The following ADCK5 variants were observed in gnomAD, a reference collection of about 807,000 sequenced individuals.
ADCK5 encodes uncharacterized aarF domain-containing protein kinase 5.
A neutral mutation model predicts 64.9 loss-of-function variants in ADCK5; 43 were observed. The observed-to-expected ratio is 0.66, with a 90% CI of 0.52 to 0.85. The LOEUF is 0.85. ADCK5 is among the 40% of genes least tolerant of loss of function. The pLI is 0.00. For synonymous variants in ADCK5, 434 were observed against 342.8 expected (o/e 1.27, Z -2.94); for missense variants, 760 against 810.5 (o/e 0.94, Z 0.76).
intron 3 of ADCK5, chr8:144,389,225 C>T (rs1820089448): frequency 4.4e-6 from 2 of 455,938 alleles, no homozygotes; most frequent in African/African-American, 2.0e-5. Context: ...CCAGGATGTC[C>T]CCCACTTCCT....
intron 1 of ADCK5, among the ~76,000 whole-genome samples, chr8:144,377,040 G>A (rs1554857270): frequency 1.3e-5 from 2 of 152,240 alleles, no homozygotes; most frequent in Non-Finnish European, 1.5e-5. Flanking sequence ...AAACCAGCTG[G>A]CAAGTCAGTT....
intron 1 of ADCK5, among the ~76,000 whole-genome samples, chr8:144,374,363 G>C (rs1819278474): frequency 1.3e-5 from 2 of 152,200 alleles, no homozygotes; most frequent in South Asian, 2.1e-4. Flanking sequence ...GACCGCTCCC[G>C]GCCGACTCTG....
chr8:144,377,517 T>C lies in ADCK5; in HGVS notation c.13-1870T>C, dbSNP rs573499465. 8 of 152,322 alleles carry C rather than the reference T, an allele frequency of 5.3e-5. No homozygotes were observed. The South Asian group carries it at 1.5e-3, about 28-fold the overall frequency. 9.4% of individuals were successfully genotyped at this position (152,322 alleles called of 1,614,324 possible). A position where few individuals can be genotyped will look rare whatever the true frequency, so the allele number is the denominator to read the frequency against. ...TATGCGCCATCACACCTGGCTACTT[T>C]TTTTGTATTTCTAGTAGAGACAGGG... On this transcript the variant is annotated intron_variant, in intron 1 of 14. Coordinates refer to ENST00000308860, the MANE Select transcript of ADCK5 (RefSeq NM_174922.5).
rs370905602 is a variant in ADCK5 at position 144,390,292 on chromosome 8, A to G, written c.267-379A>G. Among the ~76,000 whole-genome samples, 11 of 152,106 alleles carry G rather than the reference A, an allele frequency of 7.2e-5. No homozygotes were observed. In the East Asian group the frequency reaches 1.3e-3, roughly 19 times the overall value. On this transcript the variant is annotated intron_variant, in intron 3 of 14. Transcript: ENST00000308860. ...CAGGTGTGCACCACCGTGCCTGCCTAATTTTTTTGCATTTTTGGTAGAGAC... is the reference window on the plus strand; with the variant it reads ...CAGGTGTGCACCACCGTGCCTGCCTGATTTTTTTGCATTTTTGGTAGAGAC...
chr8:144,383,449 G>A (rs1033601710), intron 3 of ADCK5, among the ~76,000 whole-genome samples: 41 of 152,196 alleles, frequency 2.7e-4, no homozygotes, highest in African/African-American at 9.9e-4. Context: ...TATAGGAGGT[G>A]GTGTAGACAA....
chr8:144,375,346 G>T, intron 1 of ADCK5: 1 of 642,908 alleles, frequency 1.6e-6, no homozygotes, highest in South Asian at 6.9e-5. Context: ...ACCCTGCCCA[G>T]ACTCCCAATC....
chr8:144,381,130 C>T (rs1819606605), intron 2 of ADCK5, among the ~76,000 whole-genome samples: 3 of 145,286 alleles, frequency 2.1e-5, no homozygotes, highest in South Asian at 4.5e-4. Flanking sequence ...GCTCAGGCAC[C>T]TGCTGCACTA....
intron 13 of ADCK5, 29 bp downstream of exon 13, chr8:144,392,726 G>A (rs1554861503): frequency 2.5e-6 from 4 of 1,589,354 alleles, no homozygotes; most frequent in Admixed American, 1.7e-5. Flanking sequence ...CGCCCGGGCC[G>A]TGGTGGGGCT....
rs1554861685 is a variant in ADCK5, at chr8:144,392,998, C to T, written c.1667C>T (p.Ala556Val). Reference sequence around the variant, plus strand: ...GAGACCTTGGCCATGCGGCTGACCGCCCTCCTGGCTCGTGCTCTGGTCCAC... The same window carrying T: ...GAGACCTTGGCCATGCGGCTGACCGTCCTCCTGGCTCGTGCTCTGGTCCAC... ...RLETLAMRLTALLARALVHLS... is the reference protein window; with the variant it reads ...RLETLAMRLTVLLARALVHLS... Residue 556 changes from alanine (A) to valine (V), a missense_variant, in exon 15 of 15, where the codon GCC becomes GTC. Physicochemically the swap from Ala to Val is moderately conservative, Grantham distance 64 (BLOSUM62 0). Transcript: ENST00000308860. 1 of 1,589,652 alleles carries T rather than the reference C, an allele frequency of 6.3e-7. No homozygotes were observed.
intron 3 of ADCK5, chr8:144,389,197 T>A (rs1248072448): frequency 1.3e-5 from 6 of 452,096 alleles, no homozygotes; most frequent in Admixed American, 2.4e-5. Flanking sequence ...AGGAGCCCAG[T>A]ACCTGCTCAA....
Position 144,393,237 on chromosome 8 carries a change from A to G in ADCK5, c.*163A>G. On this transcript the variant is annotated 3_prime_UTR_variant, in exon 15 of 15. Transcript: ENST00000308860. ...TAATGACCACACACTCCTCTCAAGC[A>G]AAAAATGTTTTTCCTTGTGTTTTGT... The G allele has an allele frequency of 7.1e-7, 1 of 1,415,794 alleles. No individual in the cohort carries two copies. The highest frequency in any genetic ancestry group is 9.4e-7 in the Non-Finnish European group (1 of 1,062,696). The allele number at this position is 1,415,794 out of a possible 1,614,324, so 87.7% of individuals were successfully genotyped here. A position where few individuals can be genotyped will look rare whatever the true frequency, so the allele number is the denominator to read the frequency against.
chr8:144,392,082 G>T lies in ADCK5; in HGVS notation c.1097-10G>T. 1 of 1,612,308 alleles carries T rather than the reference G, an allele frequency of 6.2e-7. No individual in the cohort carries two copies. ...TGGGCGCAGCGCGACCTAAGAGGCT[G>T]TATCCCTAGTTCTGGTGCGGAAAGG... is the stretch of plus-strand genomic sequence containing the variant. On this transcript the variant is annotated splice_polypyrimidine_tract_variant and intron_variant, in intron 10 of 14. Coordinates refer to ENST00000308860, the MANE Select transcript of ADCK5 (RefSeq NM_174922.5).
At chr8:144,387,977 C>T (rs1819996812) in intron 3 of ADCK5, among the ~76,000 whole-genome samples, 1 of 151,836 alleles carries the variant, frequency 6.6e-6, no homozygotes, top group Admixed American at 6.6e-5. Context: ...GGGGATCCGC[C>T]CGCCTTGGCC....
chr8:144,380,380 C>T lies in ADCK5; in HGVS notation c.116+890C>T, dbSNP rs538838923. On this transcript the variant is annotated intron_variant, in intron 2 of 14. Coordinates refer to ENST00000308860, the MANE Select transcript of ADCK5 (RefSeq NM_174922.5). ...CAGATGTGTGCTCAGGCACCTGCCGCAGTCAGGATTATGGGCCGGGTGTAG... is the reference window on the plus strand; with the variant it reads ...CAGATGTGTGCTCAGGCACCTGCCGTAGTCAGGATTATGGGCCGGGTGTAG... Among the ~76,000 whole-genome samples the T allele has an allele frequency of 7.2e-5, 11 of 152,232 alleles. No homozygotes were observed. The South Asian group carries it at 2.3e-3, about 32-fold the overall frequency.
intron 3 of ADCK5, among the ~76,000 whole-genome samples, chr8:144,385,300 T>A (rs1328897789): frequency 6.6e-6 from 1 of 151,480 alleles, no homozygotes; most frequent in Non-Finnish European, 1.5e-5. Context: ...CTCTCCTGTC[T>A]CGCCTCCCAA....
rs1554860114 is a variant in ADCK5, at chr8:144,390,294, T to C, written c.267-377T>C. Among the ~76,000 whole-genome samples, 22 of 151,994 alleles carry C rather than the reference T, an allele frequency of 1.4e-4. 1 individual carries two copies. On this transcript the variant is annotated intron_variant, in intron 3 of 14. Transcript: ENST00000308860. ...GGTGTGCACCACCGTGCCTGCCTAATTTTTTTGCATTTTTGGTAGAGACAG... is the reference window on the plus strand; with the variant it reads ...GGTGTGCACCACCGTGCCTGCCTAACTTTTTTGCATTTTTGGTAGAGACAG...
chr8:144,384,113 CTG>C lies in ADCK5; in HGVS notation c.266+887_266+888del, dbSNP rs1430958238. On this transcript the variant is annotated intron_variant, in intron 3 of 14. Coordinates refer to ENST00000308860, the MANE Select transcript of ADCK5 (RefSeq NM_174922.5). The surrounding 1 kb of genome is among the most constrained non-coding windows in gnomAD (Gnocchi z 5.7). ...TATTTTTAGTAGAAACGGGGTTTCACTGTGTTAGCCAGGATGGTCTCGATCTC... is the reference window on the plus strand; with the variant it reads ...TATTTTTAGTAGAAACGGGGTTTCACTGTTAGCCAGGATGGTCTCGATCTC... Among the ~76,000 whole-genome samples the C allele has an allele frequency of 1.3e-5, 2 of 151,900 alleles. No individual in the cohort carries two copies. The highest frequency in any genetic ancestry group is 1.3e-4 in the Admixed American group (2 of 15,218).
intron 7 of ADCK5, 24 bp downstream of exon 7, chr8:144,391,498 C>T: frequency 6.3e-7 from 1 of 1,598,928 alleles, no homozygotes; most frequent in Non-Finnish European, 8.5e-7. Flanking sequence ...CCTTCCCCGG[C>T]CAGCAGGAGC....
At chr8:144,392,222 G>C in intron 11 of ADCK5, 32 bp from the exon 12 acceptor site, 1 of 1,546,482 alleles carries the variant, frequency 6.5e-7, no homozygotes, top group East Asian at 2.4e-5. Flanking sequence ...CTGCCGCAGG[G>C]AGCTCATGGC....
Sources: gnomAD v4.1 joint callset for allele counts (sites outside exome capture counted in the v4.1 genomes callset) on GRCh38, gnomAD v4.1.1 for gene constraint, Gnocchi (gnomAD v3.1) non-coding constraint, MANE v1.5 for transcripts, NCBI Gene and HGNC (gene_info 2026-07-23, HGNC 2026-07-21) for gene names.